Variants in CRB1 observed in about 807,000 individuals in gnomAD.
CRB1 encodes crumbs cell polarity complex component 1.
Under a neutral mutation model 120.0 loss-of-function variants are expected in CRB1, and 83 were observed. The ratio of observed to expected loss-of-function variants is 0.69; its 90% CI spans 0.58 to 0.83. The LOEUF is 0.83. CRB1 is among the 40% of genes least tolerant of loss of function. The pLI is 0.00. For synonymous variants in CRB1, 625 were observed against 612.5 expected (o/e 1.02, Z -0.30); for missense variants, 1,699 against 1,687.6 (o/e 1.01, Z -0.12).
the CRB1 span, among the ~76,000 whole-genome samples, chr1:197,220,093 T>C: frequency 6.6e-6 from 1 of 152,210 alleles, no homozygotes; most frequent in Non-Finnish European, 1.5e-5. Flanking sequence ...TAGACACAAG[T>C]CATCCTCTTT....
the CRB1 span, among the ~76,000 whole-genome samples, chr1:197,229,883 C>T: frequency 6.6e-6 from 1 of 152,110 alleles, no homozygotes; most frequent in Admixed American, 6.5e-5. Flanking sequence ...TACAGCTTCG[C>T]TCTTGATTAG....
chr1:197,383,190 G>A (rs1300364484), intron 5 of CRB1, among the ~76,000 whole-genome samples: 3 of 152,086 alleles, frequency 2.0e-5, no homozygotes, highest in Non-Finnish European at 4.4e-5. Context: ...TCCCTGGCTT[G>A]TAGGATCTTT....
chr1:197,414,002 T>C, intron 5 of CRB1: 1 of 454,564 alleles, frequency 2.2e-6, no homozygotes, highest in South Asian at 1.6e-5. Flanking sequence ...TGCTCATAGG[T>C]AACTAACTCT....
chr1:197,269,750 A>T (rs1045218926), intron 1 of CRB1, among the ~76,000 whole-genome samples: 17 of 152,130 alleles, frequency 1.1e-4, no homozygotes, highest in Non-Finnish European at 1.5e-4. Flanking sequence ...TATATATGGA[A>T]ATTCCTGGAG....
intron 1 of CRB1, among the ~76,000 whole-genome samples, chr1:197,322,043 A>G (rs1658226537): frequency 1.3e-5 from 2 of 152,310 alleles, no homozygotes; most frequent in Admixed American, 6.5e-5. Context: ...AACTGTTGAG[A>G]GTTGCACTAT....
chr1:197,415,641 C>CTTTTTTTTTTTTTTTTT (rs55654070), intron 5 of CRB1, among the ~76,000 whole-genome samples: 19 of 94,000 alleles, frequency 2.0e-4, no homozygotes, highest in Middle Eastern at 6.5e-3. Flanking sequence ...TTTTTCTTTT[C>CTTTTTTTTTTTTTTTTT]TTTTTTTTTT....
chr1:197,409,111 A>G (rs1663565990), intron 5 of CRB1, among the ~76,000 whole-genome samples: 1 of 152,204 alleles, frequency 6.6e-6, no homozygotes, highest in Admixed American at 6.5e-5. Context: ...TTGAACAAAT[A>G]TCAGGTCTGG....
At chr1:197,365,988 A>T (rs1661051639) in intron 5 of CRB1, among the ~76,000 whole-genome samples, 1 of 152,148 alleles carries the variant, frequency 6.6e-6, no homozygotes, top group African/African-American at 2.4e-5. Context: ...TGTCCAGTCT[A>T]AAAGTCCCTA....
intron 8 of CRB1, among the ~76,000 whole-genome samples, chr1:197,431,718 A>G (rs1458017582): frequency 6.6e-6 from 1 of 152,222 alleles, no homozygotes; most frequent in Admixed American, 6.5e-5. Flanking sequence ...AACATTGCCA[A>G]TAGCAAAAGA....
the CRB1 span, among the ~76,000 whole-genome samples, chr1:197,230,350 G>T: frequency 6.6e-6 from 1 of 152,098 alleles, no homozygotes; most frequent in South Asian, 2.1e-4. Context: ...GTGTAAATTT[G>T]TGTAAATCAC....
chr1:197,435,879 A>G (rs1273524491), intron 9 of CRB1, among the ~76,000 whole-genome samples: 1 of 152,170 alleles, frequency 6.6e-6, no homozygotes, highest in Non-Finnish European at 1.5e-5. Flanking sequence ...CATGAACTGT[A>G]GCCCCAGGGT....
intron 11 of CRB1, among the ~76,000 whole-genome samples, chr1:197,473,720 A>G (rs1667080311): frequency 6.6e-6 from 1 of 152,134 alleles, no homozygotes; most frequent in Admixed American, 6.6e-5. Context: ...CAACCAATCC[A>G]AATAGGGCTG....
chr1:197,276,303 C>A (rs1025218637), intron 1 of CRB1, among the ~76,000 whole-genome samples: 3 of 151,570 alleles, frequency 2.0e-5, no homozygotes, highest in African/African-American at 7.2e-5. Context: ...TTAGAGGCAA[C>A]CAATGTAAAG....
chr1:197,394,259 T>G (rs1426756259), intron 5 of CRB1, among the ~76,000 whole-genome samples: 1 of 152,270 alleles, frequency 6.6e-6, no homozygotes, highest in Middle Eastern at 3.4e-3. Flanking sequence ...CAGTATATTG[T>G]CTCTTCCTTA....
At chr1:197,402,985 T>C (rs1475620404) in intron 5 of CRB1, among the ~76,000 whole-genome samples, 3 of 152,246 alleles carry the variant, frequency 2.0e-5, no homozygotes. Context: ...GTCTTTTCAG[T>C]TATTGTTTTC....
chr1:197,327,107 A>ACAAAC (rs796898911), intron 1 of CRB1, among the ~76,000 whole-genome samples: 1 of 114,990 alleles, frequency 8.7e-6, no homozygotes, highest in African/African-American at 2.9e-5. Context: ...AAAAAAAAAA[A>ACAAAC]AAAAAAAAAA....
chr1:197,378,257 G>A (rs1205171402), intron 5 of CRB1, among the ~76,000 whole-genome samples: 2 of 152,156 alleles, frequency 1.3e-5, no homozygotes, highest in Non-Finnish European at 2.9e-5. Flanking sequence ...AATAGCGTAA[G>A]ATTTTTCAAA....
At chr1:197,326,076 A>C (rs1558054786) in intron 1 of CRB1, among the ~76,000 whole-genome samples, 1 of 152,204 alleles carries the variant, frequency 6.6e-6, no homozygotes, top group Non-Finnish European at 1.5e-5. Context: ...AAGGATCAAT[A>C]ATTATACATT....
chr1:197,252,582 A>ATATATTTGTGTGTG, the CRB1 span, among the ~76,000 whole-genome samples: 1 of 15,512 alleles, frequency 6.4e-5, no homozygotes, highest in Non-Finnish European at 1.4e-4. Context: ...ATATATATAT[A>ATATATTTGTGTGTG]TGTGTGTGTG....
Sources: gnomAD v4.1 joint callset for allele counts (sites outside exome capture counted in the v4.1 genomes callset) on GRCh38, gnomAD v4.1.1 for gene constraint, MANE v1.5 for transcripts, NCBI Gene and HGNC (gene_info 2026-07-23, HGNC 2026-07-21) for gene names.